FGFR2: variants seen among roughly 807,000 people sequenced by gnomAD.
The protein encoded by FGFR2 is BEK fibroblast growth factor receptor.
A neutral mutation model predicts 95.9 loss-of-function variants in FGFR2; 19 were observed. That is an observed-to-expected ratio of 0.20 (90% CI 0.14 to 0.29). The LOEUF (loss-of-function observed/expected upper bound fraction) is 0.29. Ranked by LOEUF, FGFR2 falls within the 10% of genes least tolerant of loss-of-function variation. FGFR2 has a pLI of 1.00. For synonymous variants in FGFR2, 392 were observed against 393.3 expected (o/e 1.00, Z 0.04); for missense variants, 707 against 1,056.9 (o/e 0.67, Z 4.59).
chr10:121,583,389 G>C (rs1861256282), intron 2 of FGFR2: 1 of 152,284 alleles, frequency 6.6e-6, no homozygotes, highest in Non-Finnish European at 1.5e-5. Context: ...GGAATAACTG[G>C]GGACGGCCTG....
intron 6 of FGFR2, among the ~76,000 whole-genome samples, chr10:121,536,948 G>A (rs150099594): frequency 2.1e-3 from 327 of 152,208 alleles, no homozygotes; most frequent in Non-Finnish European, 2.7e-3. Flanking sequence ...ATAGTTTTAC[G>A]TCACATTCGG....
intron 4 of FGFR2, among the ~76,000 whole-genome samples, chr10:121,553,864 A>C (rs1259548453): frequency 6.6e-6 from 1 of 152,104 alleles, no homozygotes; most frequent in Non-Finnish European, 1.5e-5. Context: ...TTCTGCCCTC[A>C]CTGGGCCAAG....
intron 9 of FGFR2, among the ~76,000 whole-genome samples, chr10:121,513,508 G>A (rs990405168): frequency 1.3e-5 from 2 of 152,080 alleles, no homozygotes; most frequent in Non-Finnish European, 2.9e-5. Flanking sequence ...TAATTAAGGG[G>A]CAGTGGCCTA....
At chr10:121,506,048 G>T (rs1322423448) in intron 9 of FGFR2, among the ~76,000 whole-genome samples, 2 of 152,060 alleles carry the variant, frequency 1.3e-5, no homozygotes, top group African/African-American at 4.8e-5. Flanking sequence ...TGGGCAAGAA[G>T]CTCCAGCCAA....
intron 11 of FGFR2, 28 bp from the exon 12 acceptor site, chr10:121,498,633 C>T: frequency 6.3e-7 from 1 of 1,591,214 alleles, no homozygotes; most frequent in African/African-American, 1.3e-5. Context: ...ATTCACAAAT[C>T]AGTTCATTTC....
chr10:121,536,780 G>T (rs1852898258), intron 6 of FGFR2, among the ~76,000 whole-genome samples: 1 of 152,146 alleles, frequency 6.6e-6, no homozygotes, highest in African/African-American at 2.4e-5. Context: ...GCCTAGAATG[G>T]CCCCAGCCCA....
rs767692675 is a variant in FGFR2 at position 121,485,526 on chromosome 10, G to C, written c.2064C>G (p.Ser688=). 6.2e-7 allele frequency: 1 copy of C among 1,613,724 alleles called. No homozygotes were observed. Among genetic ancestry groups the C allele is most frequent in the Non-Finnish European group, 8.5e-7 (1 of 1,179,924 alleles). ...RVYTHQSDVW[S]FGVLMWEIFT... is the part of the protein sequence containing the mutation. ...AGATCTCCCACATTAACACCCCGAAGGACCAGCTGCAACAAAAGGAGAAAG... is the reference window on the plus strand; with the variant it reads ...AGATCTCCCACATTAACACCCCGAACGACCAGCTGCAACAAAAGGAGAAAG... The change falls in exon 16 of 18, where the codon TCC becomes TCG. Residue 688 remains serine (S), a synonymous_variant. Coordinates refer to ENST00000358487, the MANE Select transcript of FGFR2 (RefSeq NM_000141.5). This position sits in a 1 kb window ranked among gnomAD's most constrained non-coding sequence, Gnocchi z 4.2.
At chr10:121,559,347 G>A (rs1360774420) in intron 4 of FGFR2, among the ~76,000 whole-genome samples, 1 of 152,176 alleles carries the variant, frequency 6.6e-6, no homozygotes, top group Non-Finnish European at 1.5e-5. Flanking sequence ...AATCGGGTCA[G>A]GCATTTGACA....
At chr10:121,539,182 G>T (rs1011279733) in intron 5 of FGFR2, among the ~76,000 whole-genome samples, 1 of 152,202 alleles carries the variant, frequency 6.6e-6, no homozygotes, top group Non-Finnish European at 1.5e-5. Context: ...CAAGCCCTCT[G>T]TGCTGCCGTA....
chr10:121,519,892 A>T lies in FGFR2; in HGVS notation c.939+87T>A, dbSNP rs542244012. ...TCAAAAAAGAGAATCATCCTCTCTC[A>T]ACTCCAACAGGAAATCAAAGAACCT... On this transcript the variant is annotated intron_variant, in intron 7 of 17. Coordinates refer to ENST00000358487, the MANE Select transcript of FGFR2 (RefSeq NM_000141.5). The T allele has an allele frequency of 3.1e-6, 4 of 1,294,582 alleles. No homozygotes were observed. In the African/African-American group the frequency reaches 4.4e-5, roughly 14 times the overall value. The allele number at this position is 1,294,582 out of a possible 1,614,324, so 80.2% of individuals were successfully genotyped here.
intron 5 of FGFR2, among the ~76,000 whole-genome samples, chr10:121,543,923 C>T (rs1854124653): frequency 6.6e-6 from 1 of 152,220 alleles, no homozygotes; most frequent in South Asian, 2.1e-4. Flanking sequence ...TGCGGCAGGA[C>T]ATCCACCGCC....
chr10:121,596,527 C>T (rs575842970), intron 1 of FGFR2: 39 of 195,280 alleles, frequency 2.0e-4, no homozygotes, highest in African/African-American at 6.7e-4. Context: ...CAACAGTGTC[C>T]GGCTCCTCCA....
chr10:121,551,969 A>C (rs1285227673), intron 4 of FGFR2, among the ~76,000 whole-genome samples: 3 of 152,194 alleles, frequency 2.0e-5, no homozygotes, highest in Admixed American at 6.5e-5. Context: ...ATATAATAAA[A>C]TAACCCAGAG....
intron 2 of FGFR2, among the ~76,000 whole-genome samples, chr10:121,588,170 T>C (rs1448393029): frequency 2.6e-5 from 4 of 152,126 alleles, no homozygotes; most frequent in East Asian, 3.9e-4. Flanking sequence ...TATTCTCATT[T>C]ATAAGTGGGA....
chr10:121,522,926 A>C (rs2912766), intron 6 of FGFR2, among the ~76,000 whole-genome samples: 145,097 of 152,284 alleles, frequency 0.95, 69,530 homozygotes, highest in Middle Eastern at 1. Flanking sequence ...CCTGAGAATC[A>C]CCATGCACTG....
Position 121,560,647 on chromosome 10 carries a change from G to A in FGFR2, c.454+3855C>T, listed in dbSNP as rs571251872. On this transcript the variant is annotated intron_variant, in intron 4 of 17. Transcript: ENST00000358487. Reference sequence around the variant, plus strand: ...AAAAAAAAAAAAAAAAAAAAGAGGCGAGTGACATGCTCCACTTATCAGTGC... The same window carrying A: ...AAAAAAAAAAAAAAAAAAAAGAGGCAAGTGACATGCTCCACTTATCAGTGC... Among the ~76,000 whole-genome samples, 6 of 143,356 alleles carry A rather than the reference G, an allele frequency of 4.2e-5. No individual in the cohort carries two copies. The South Asian group carries it at 6.7e-4, about 16-fold the overall frequency. 94.0% of individuals were successfully genotyped at this position (143,356 alleles called of 152,430 possible).
In FGFR2 at chr10:121,502,836, C is replaced by T. The variant is rs542311020; in HGVS notation, c.1439+954G>A. On this transcript the variant is annotated intron_variant, in intron 10 of 17. Transcript: ENST00000358487. The stretch of plus-strand genomic sequence containing the variant: ...AAGTGAGTGGACAGCCCTACAATGA[C>T]CACTGCACTTCCTTTCATAAGGAGG... 2.6e-5 allele frequency among the ~76,000 whole-genome samples: 4 copies of T among 152,218 alleles called. No individual in the cohort carries two copies. In the South Asian group the frequency reaches 8.3e-4, roughly 32 times the overall value.
intron 2 of FGFR2, among the ~76,000 whole-genome samples, chr10:121,567,791 G>A (rs1033050547): frequency 2.6e-5 from 4 of 152,316 alleles, no homozygotes; most frequent in South Asian, 2.1e-4. Flanking sequence ...ATTGTCTGGC[G>A]CTGCTTTTGT....
intron 5 of FGFR2, among the ~76,000 whole-genome samples, chr10:121,541,016 C>T (rs897633504): frequency 6.6e-6 from 1 of 152,140 alleles, no homozygotes; most frequent in Non-Finnish European, 1.5e-5. Flanking sequence ...ATGGTCAGCT[C>T]AAGTCTCTCA....
Sources: gnomAD v4.1 joint callset for allele counts (sites outside exome capture counted in the v4.1 genomes callset) on GRCh38, gnomAD v4.1.1 for gene constraint, Gnocchi (gnomAD v3.1) non-coding constraint, MANE v1.5 for transcripts, NCBI Gene and HGNC (gene_info 2026-07-23, HGNC 2026-07-21) for gene names.